The following VSX1 variants were observed in gnomAD, a reference collection of about 807,000 sequenced individuals.
VSX1 encodes the protein homeodomain protein RINX.
In VSX1, 23 loss-of-function variants were observed where a neutral mutation model predicts 23.6. The ratio of observed to expected loss-of-function variants is 0.97; its 90% CI spans 0.70 to 1.38. The LOEUF (loss-of-function observed/expected upper bound fraction) is 1.38, where lower values mean the gene tolerates loss of function less well. VSX1 is among the 40% of genes most tolerant of loss of function. The pLI, the probability that VSX1 is intolerant of heterozygous loss-of-function variation, is 0.00. For synonymous variants in VSX1, 247 were observed against 215.1 expected (o/e 1.15, Z -1.30); for missense variants, 517 against 495.4 (o/e 1.04, Z -0.41).
intron 1 of VSX1, among the ~76,000 whole-genome samples, chr20:25,080,466 G>A (rs1298502147): frequency 1.3e-5 from 2 of 152,178 alleles, no homozygotes; most frequent in Non-Finnish European, 2.9e-5. Context: ...AGAAGACTTA[G>A]TGCTCCTAAA....
chr20:25,076,678 C>A, intron 4 of VSX1, 128 bp from the exon 5 acceptor site: 1 of 1,150,558 alleles, frequency 8.7e-7, no homozygotes, highest in Non-Finnish European at 1.2e-6. Flanking sequence ...ATCTCTGGGG[C>A]CTACAGGAGA....
intron 2 of VSX1, 106 bp downstream of exon 2, chr20:25,079,330 C>G: frequency 8.3e-7 from 1 of 1,198,284 alleles, no homozygotes; most frequent in East Asian, 2.6e-5. Flanking sequence ...CAGGAAACCA[C>G]TGGGCCTGCT....
Position 25,079,417 on chromosome 20 carries a change from G to A in VSX1, c.503+19C>T, listed in dbSNP as rs746475805. The A allele has an allele frequency of 6.2e-7, 1 of 1,605,512 alleles. No individual in the cohort carries two copies. Among genetic ancestry groups the A allele is most frequent in the Non-Finnish European group, 8.5e-7 (1 of 1,175,910 alleles). ...TGTCCCGAGGAAAGGCAGGCAGAGGGGACTGCCTGGCCCTATACCTGTGCC... is the reference window on the plus strand; with the variant it reads ...TGTCCCGAGGAAAGGCAGGCAGAGGAGACTGCCTGGCCCTATACCTGTGCC... On this transcript the variant is annotated intron_variant, in intron 2 of 4. Coordinates refer to ENST00000376709, the MANE Select transcript of VSX1 (RefSeq NM_014588.6).
Position 25,081,997 on chromosome 20 carries a change from T to C in VSX1, c.100A>G (p.Thr34Ala), listed in dbSNP as rs1445553090. 10 of 1,534,326 alleles carry C rather than the reference T, an allele frequency of 6.5e-6. No homozygotes were observed. The highest frequency in any genetic ancestry group is 2.0e-4 in the Middle Eastern group (1 of 4,982). Residue 34 changes from threonine to alanine, a missense_variant, in exon 1 of 5, where the codon ACG (threonine) becomes GCG (alanine). Transcript: ENST00000376709. Reference protein sequence around the residue: ...RGSRPRGFAITDLLGLEAELP... With the variant: ...RGSRPRGFAIADLLGLEAELP... ...TCGGCCTCCAAGCCCAGCAGGTCCGTGATGGCGAAGCCCCGGGGGCGCGAG... is the reference window on the plus strand; with the variant it reads ...TCGGCCTCCAAGCCCAGCAGGTCCGCGATGGCGAAGCCCCGGGGGCGCGAG...
Position 25,081,804 on chromosome 20 carries a change from G to A in VSX1, c.293C>T (p.Ala98Val). 2 of 1,503,274 alleles carry A rather than the reference G, an allele frequency of 1.3e-6. No individual in the cohort carries two copies. Among genetic ancestry groups the A allele is most frequent in the Middle Eastern group, 2.4e-4 (1 of 4,234 alleles). The allele number at this position is 1,503,274 out of a possible 1,614,324, so 93.1% of individuals were successfully genotyped here. ...CACGTCCGCTAGGAGCAGGCAGGGT[G>A]CTCGAGCGGCCGCCGGCGGCTGCGT... is the stretch of plus-strand genomic sequence containing the variant. ...FGTQPPAAARAPCLLLADVPF... is the reference protein window; with the variant it reads ...FGTQPPAAARVPCLLLADVPF... Residue 98 changes from alanine to valine, a missense_variant, in exon 1 of 5, where the codon GCA becomes GTA. Coordinates refer to ENST00000376709, the MANE Select transcript of VSX1 (RefSeq NM_014588.6).
downstream of VSX1, chr20:25,072,114 G>T (rs2089391909): frequency 1.7e-6 from 1 of 588,228 alleles, no homozygotes; most frequent in African/African-American, 1.9e-5. Context: ...GAGAGACTGT[G>T]GCTTAGTGAA....
chr20:25,076,225 C>T lies in VSX1; in HGVS notation c.*36G>A, dbSNP rs1165243614. The stretch of plus-strand genomic sequence containing the variant: ...TTGGAAAATGCCAGTGAGGAATATG[C>T]ACATTTTCAGCCTTTGACAGTGGGA... On this transcript the variant is annotated 3_prime_UTR_variant, in exon 5 of 5. Coordinates refer to ENST00000376709, the MANE Select transcript of VSX1 (RefSeq NM_014588.6). The T allele has an allele frequency of 6.2e-7, 1 of 1,613,052 alleles. No individual in the cohort carries two copies. Among genetic ancestry groups the T allele is most frequent in the Non-Finnish European group, 8.5e-7 (1 of 1,179,956 alleles).
In VSX1 at chr20:25,082,083, T is replaced by C; in HGVS notation, c.14A>G (p.Asp5Gly). 1 of 1,537,120 alleles carries C rather than the reference T, an allele frequency of 6.5e-7. No individual in the cohort carries two copies. Among genetic ancestry groups the C allele is most frequent in the Non-Finnish European group, 8.7e-7 (1 of 1,147,906 alleles). ...GCTAGTGCGCCCGTCGGAAAGCGAG[T>C]CCCGGCCGGTCATGGTTCCTTAGCA... MTGRDSLSDGRTSSR... is the reference protein window; with the variant it reads MTGRGSLSDGRTSSR... The change falls in exon 1 of 5, where the codon GAC (aspartate) becomes GGC (glycine). Residue 5 changes from aspartate (D) to glycine (G), a missense_variant. Physicochemically the swap from Asp to Gly is moderately conservative, Grantham distance 94 (BLOSUM62 -1). Transcript: ENST00000376709.
At chr20:25,078,342 T>C (rs898118980) in intron 3 of VSX1, among the ~76,000 whole-genome samples, 2 of 152,154 alleles carry the variant, frequency 1.3e-5, no homozygotes, top group African/African-American at 4.8e-5. Flanking sequence ...ACGGTTTAGC[T>C]GTTAAAAAAA....
At position 25,077,850 on chromosome 20, in the gene VSX1, G is replaced by T; in HGVS notation, c.643C>A (p.Arg215Ser). The change falls in exon 4 of 5, where the codon CGC becomes AGC. Residue 215 changes from arginine to serine, a missense_variant. By Grantham distance (110) the Arg-to-Ser change is moderately radical. Coordinates refer to ENST00000376709, the MANE Select transcript of VSX1 (RefSeq NM_014588.6). Reference sequence around the variant, plus strand: ...TCCCGCTTGCGCCATTTGGCCCTGCGGTTTTGAAACCAGACCTGGTTGGAG... The same window carrying T: ...TCCCGCTTGCGCCATTTGGCCCTGCTGTTTTGAAACCAGACCTGGTTGGAG... ...EDRIQVWFQN[R>S]RAKWRKREKR... The T allele has an allele frequency of 6.4e-7, 1 of 1,551,996 alleles. No individual in the cohort carries two copies. The highest frequency in any genetic ancestry group is 8.7e-7 in the Non-Finnish European group (1 of 1,147,282).
chr20:25,078,416 G>T, intron 3 of VSX1: 1 of 567,128 alleles, frequency 1.8e-6, no homozygotes, highest in Non-Finnish European at 2.5e-6. Flanking sequence ...GTGAGTGTGT[G>T]TATATATGCA....
chr20:25,072,753 T>G (rs987651550), downstream of VSX1: 9 of 452,974 alleles, frequency 2.0e-5, no homozygotes, highest in Middle Eastern at 3.7e-4. Flanking sequence ...AAAGCATTAT[T>G]TGTTATATCT....
chr20:25,081,895 G>T lies in VSX1; in HGVS notation c.202C>A (p.Leu68Ile), dbSNP rs1555862334. 6.5e-7 allele frequency: 1 copy of T among 1,528,662 alleles called. No individual in the cohort carries two copies. The highest frequency in any genetic ancestry group is 1.2e-5 in the South Asian group (1 of 83,568). The allele number at this position is 1,528,662 out of a possible 1,614,324, so 94.7% of individuals were successfully genotyped here. A position where few individuals can be genotyped will look rare whatever the true frequency, so the allele number is the denominator to read the frequency against. ...PAVAPCPGPG[L>I]DGSSLARGAL... ...CCACGCGCCAGGCTGGAGCCGTCAA[G>T]CCCCGGGCCCGGGCACGGCGCGACT... Residue 68 changes from leucine to isoleucine, a missense_variant, in exon 1 of 5, where the codon CTT (leucine) becomes ATT (isoleucine). Leu to Ile is a conservative substitution (Grantham distance 5). Coordinates refer to ENST00000376709, the MANE Select transcript of VSX1 (RefSeq NM_014588.6).
Position 25,081,733 on chromosome 20 carries a change from G to A in VSX1, c.364C>T (p.Pro122Ser), listed in dbSNP as rs746456912. 14 of 1,501,988 alleles carry A rather than the reference G, an allele frequency of 9.3e-6. No individual in the cohort carries two copies. In the South Asian group the frequency reaches 1.5e-4, roughly 16 times the overall value. The allele number at this position is 1,501,988 out of a possible 1,614,324, so 93.0% of individuals were successfully genotyped here. A position where few individuals can be genotyped will look rare whatever the true frequency, so the allele number is the denominator to read the frequency against. ...CCGAGCGCAGGCGGCGGACGGCTGG[G>A]AGCCAGCGGGGCAGCGGGCTCGGGG... ...RGPEPAAPLA[P>S]SRPPPALGRQ... Residue 122 changes from proline (P) to serine (S), a missense_variant, in exon 1 of 5, where the codon CCC becomes TCC. Physicochemically the swap from Pro to Ser is moderately conservative, Grantham distance 74 (BLOSUM62 -1). Transcript: ENST00000376709.
At chr20:25,078,664 G>A (rs2089564351) in intron 3 of VSX1, 165 bp downstream of exon 3, 1 of 1,589,344 alleles carries the variant, frequency 6.3e-7, no homozygotes, top group African/African-American at 1.4e-5. Context: ...AGGCATGAGG[G>A]TCATAGGGGC....
At chr20:25,072,461 C>A, downstream of VSX1, 1 of 461,652 alleles carries the variant, frequency 2.2e-6, no homozygotes, top group East Asian at 7.0e-5. Context: ...CATTTGTCCC[C>A]CCAGGCCGAT....
intron 4 of VSX1, 131 bp downstream of exon 4, chr20:25,077,554 G>C: frequency 4.7e-6 from 5 of 1,072,966 alleles, no homozygotes; most frequent in Non-Finnish European, 6.7e-6. Flanking sequence ...TAATAAGAAC[G>C]GTTCTGGACC....
Position 25,081,489 on chromosome 20 carries a change from A to G in VSX1, c.424+184T>C, listed in dbSNP as rs764302902. Reference sequence around the variant, plus strand: ...CCCGGATGAGAGGCAGGGATTTAGGATGCAGCAAGGGGCAGGCGGCGCAGC... The same window carrying G: ...CCCGGATGAGAGGCAGGGATTTAGGGTGCAGCAAGGGGCAGGCGGCGCAGC... On this transcript the variant is annotated intron_variant, in intron 1 of 4. Coordinates refer to ENST00000376709, the MANE Select transcript of VSX1 (RefSeq NM_014588.6). 5.4e-6 allele frequency: 5 copies of G among 920,112 alleles called. No homozygotes were observed. In the East Asian group the frequency reaches 1.2e-4, roughly 22 times the overall value. 57.0% of individuals were successfully genotyped at this position (920,112 alleles called of 1,614,324 possible).
chr20:25,080,952 A>G (rs2089627114), intron 1 of VSX1, among the ~76,000 whole-genome samples: 1 of 152,134 alleles, frequency 6.6e-6, no homozygotes, highest in African/African-American at 2.4e-5. Context: ...CCACACCCAA[A>G]ACCACTCGTT....
Sources: allele counts gnomAD v4.1 joint callset (sites outside exome capture counted in the v4.1 genomes callset), GRCh38; gene constraint gnomAD v4.1.1; transcripts MANE v1.5; gene names NCBI Gene and HGNC (gene_info 2026-07-23, HGNC 2026-07-21).